The following PRORP variants were observed in gnomAD, a reference collection of about 807,000 sequenced individuals.
The protein encoded by PRORP is protein only RNase P catalytic subunit.
A neutral mutation model predicts 59.4 loss-of-function variants in PRORP; 51 were observed. The ratio of observed to expected loss-of-function variants is 0.86; its 90% CI spans 0.69 to 1.08. PRORP has a LOEUF of 1.08. Ranked by LOEUF, PRORP falls within the 50% of genes least tolerant of loss-of-function variation. The pLI is 0.00. For missense variants in PRORP, 646 were observed against 690.3 expected, an observed-to-expected ratio of 0.94 and a Z score of 0.72; for synonymous variants, 231 against 245.6, an observed-to-expected ratio of 0.94 and a Z score of 0.55.
At chr14:35,256,857 TA>T (rs2050773944) in intron 5 of PRORP, among the ~76,000 whole-genome samples, 1 of 147,812 alleles carries the variant, frequency 6.8e-6, no homozygotes, top group Non-Finnish European at 1.5e-5. Flanking sequence ...TTAAAATTTT[TA>T]TGATAAAATC....
At chr14:35,265,600 G>A (rs1168739038) in intron 5 of PRORP, among the ~76,000 whole-genome samples, 2 of 152,086 alleles carry the variant, frequency 1.3e-5, no homozygotes, top group Admixed American at 6.6e-5. Context: ...GGTAGAAATC[G>A]ACAGATCTTT....
At chr14:35,124,360 T>G in intron 2 of PRORP, 129 bp downstream of exon 2, 1 of 515,794 alleles carries the variant, frequency 1.9e-6, no homozygotes. Context: ...CTCAAACTCC[T>G]GGCCTCAAGT....
intron 4 of PRORP, among the ~76,000 whole-genome samples, chr14:35,161,870 A>G (rs1320242397): frequency 1.3e-5 from 2 of 152,152 alleles, no homozygotes; most frequent in African/African-American, 4.8e-5. Context: ...TTTACAGGAT[A>G]ATGTATTAAT....
chr14:35,228,747 G>A (rs948628780), intron 5 of PRORP, among the ~76,000 whole-genome samples: 1 of 152,208 alleles, frequency 6.6e-6, no homozygotes, highest in Non-Finnish European at 1.5e-5. Flanking sequence ...CTGCTATTGT[G>A]AATAATGTTG....
At position 35,266,846 on chromosome 14, in the gene PRORP, G is replaced by A. The variant is rs2051055133; in HGVS notation, c.1395G>A (p.Lys465=). 6.2e-7 allele frequency: 1 copy of A among 1,614,102 alleles called. No individual in the cohort carries two copies. Residue 465 remains lysine, a synonymous_variant, in exon 6 of 8, where the codon AAG becomes AAA. Transcript: ENST00000534898. ...GGGATGAGATGGAAGAGGTGCAAAA[G>A]CAAGCCAGCTGTTTTTTTGCTGATG... The part of the protein sequence containing the change: ...WSRDEMEEVQ[K]QASCFFADDI...
chr14:35,240,347 CTTTG>C (rs1436563194), intron 5 of PRORP, among the ~76,000 whole-genome samples: 3 of 44,770 alleles, frequency 6.7e-5, no homozygotes, highest in South Asian at 6.4e-4. Flanking sequence ...TTTTCTTGAT[CTTTG>C]TTTGTTTACG....
At chr14:35,199,528 TC>T (rs1045868351) in intron 5 of PRORP, among the ~76,000 whole-genome samples, 25 of 152,082 alleles carry the variant, frequency 1.6e-4, no homozygotes, top group African/African-American at 5.6e-4. Context: ...GGGAGTGAGT[TC>T]AGCTCTTTTT....
intron 5 of PRORP, among the ~76,000 whole-genome samples, chr14:35,199,324 A>G (rs2049087806): frequency 6.9e-6 from 1 of 145,322 alleles, no homozygotes; most frequent in African/African-American, 2.6e-5. Context: ...AGAGAGTGAG[A>G]CTCCATCTAA....
chr14:35,123,185 G>C lies in PRORP; in HGVS notation c.-61G>C. ...GCCGACCCCCAATCTCTTTAATTTT[G>C]CCATAGAAGAGGGGTTTTTTCAACA... On this transcript the variant is annotated 5_prime_UTR_variant, in exon 2 of 8. Coordinates refer to ENST00000534898, the MANE Select transcript of PRORP (RefSeq NM_014672.4). 6.6e-7 allele frequency: 1 copy of C among 1,518,274 alleles called. No homozygotes were observed. Among genetic ancestry groups the C allele is most frequent in the Non-Finnish European group, 8.8e-7 (1 of 1,130,354 alleles). The allele number at this position is 1,518,274 out of a possible 1,614,324, so 94.1% of individuals were successfully genotyped here. A position where few individuals can be genotyped will look rare whatever the true frequency, so the allele number is the denominator to read the frequency against.
At chr14:35,252,160 C>CA (rs1194003564) in intron 5 of PRORP, among the ~76,000 whole-genome samples, 11 of 152,194 alleles carry the variant, frequency 7.2e-5, no homozygotes, top group African/African-American at 2.7e-4. Context: ...CATGGTATCT[C>CA]ACGCCTGTAA....
At position 35,174,371 on chromosome 14, in the gene PRORP, A is replaced by G. The variant is rs527655769; in HGVS notation, c.1168-6299A>G. Among the ~76,000 whole-genome samples, 3 of 151,352 alleles carry G rather than the reference A, an allele frequency of 2.0e-5. No individual in the cohort carries two copies. The South Asian group carries it at 6.3e-4, about 32-fold the overall frequency. Reference sequence around the variant, plus strand: ...TACCAGAGGTAGAACTCCCTCCCCTATTTTTTTCTCCATAGCATTCTCACA... The same window carrying G: ...TACCAGAGGTAGAACTCCCTCCCCTGTTTTTTTCTCCATAGCATTCTCACA... On this transcript the variant is annotated intron_variant, in intron 4 of 7. Transcript: ENST00000534898.
intron 4 of PRORP, among the ~76,000 whole-genome samples, chr14:35,177,353 G>T (rs2139022958): frequency 6.6e-6 from 1 of 152,260 alleles, no homozygotes; most frequent in Admixed American, 6.5e-5. Flanking sequence ...GTAGAATTTG[G>T]CTGTGAATCC....
rs371548114 is a variant in PRORP at position 35,159,641 on chromosome 14, AT to A, written c.1168-21026del. Among the ~76,000 whole-genome samples, 78 of 152,342 alleles carry A rather than the reference AT, an allele frequency of 5.1e-4. 1 individual carries two copies. In the East Asian group the frequency reaches 0.014, roughly 28 times the overall value. On this transcript the variant is annotated intron_variant, in intron 4 of 7. Coordinates refer to ENST00000534898, the MANE Select transcript of PRORP (RefSeq NM_014672.4). ...CAGTAGGTGTGTAATAAATACAGTT[AT>A]TTATACATTAAATAATCCAGTGCTT...
chr14:35,266,949 A>T, intron 6 of PRORP, 74 bp downstream of exon 6: 1 of 1,497,676 alleles, frequency 6.7e-7, no homozygotes, highest in South Asian at 1.2e-5. Flanking sequence ...CCTACTTTAA[A>T]CCTATCTTTT....
At chr14:35,172,052 A>ATT (rs149889091) in intron 4 of PRORP, among the ~76,000 whole-genome samples, 13,898 of 140,648 alleles carry the variant, frequency 0.099, 1,296 homozygotes, top group African/African-American at 0.21. Flanking sequence ...TTTACTTCTA[A>ATT]TTTTTTTTTT....
chr14:35,193,138 A>G (rs985742364), intron 5 of PRORP, among the ~76,000 whole-genome samples: 3 of 152,174 alleles, frequency 2.0e-5, no homozygotes, highest in African/African-American at 7.2e-5. Context: ...TTCAGTGTTC[A>G]TAAGCTCCTC....
intron 5 of PRORP, among the ~76,000 whole-genome samples, chr14:35,219,450 A>G (rs79415682): frequency 6.6e-6 from 1 of 152,332 alleles, no homozygotes; most frequent in East Asian, 1.9e-4. Flanking sequence ...TTTTTCTACA[A>G]AGGGACATGC....
At chr14:35,182,951 A>T (rs2048651805) in intron 5 of PRORP, among the ~76,000 whole-genome samples, 1 of 152,232 alleles carries the variant, frequency 6.6e-6, no homozygotes, top group Non-Finnish European at 1.5e-5. Flanking sequence ...TGGTGAGCAG[A>T]AAAATCTAAA....
intron 5 of PRORP, among the ~76,000 whole-genome samples, chr14:35,231,621 T>C (rs1487702607): frequency 6.6e-6 from 1 of 152,174 alleles, no homozygotes; most frequent in African/African-American, 2.4e-5. Context: ...TATTTCCTTG[T>C]TGAGATGAAT....
Sources: gnomAD v4.1 joint callset for allele counts (sites outside exome capture counted in the v4.1 genomes callset) on GRCh38, gnomAD v4.1.1 for gene constraint, MANE v1.5 for transcripts, NCBI Gene and HGNC (gene_info 2026-07-23, HGNC 2026-07-21) for gene names.